SLC22A4: variants seen among roughly 807,000 people sequenced by gnomAD.
SLC22A4 encodes ET transporter.
A neutral mutation model predicts 56.6 loss-of-function variants in SLC22A4; 39 were observed. The ratio of observed to expected loss-of-function variants is 0.69; its 90% CI spans 0.53 to 0.90. SLC22A4 has a LOEUF of 0.90. Among genes scored for constraint, SLC22A4 ranks in the 40% least tolerant of loss-of-function variants. The probability of loss-of-function intolerance (pLI) is 0.00; values close to 1 mark genes in which losing one functional copy is unlikely to be tolerated. For synonymous variants in SLC22A4, 241 were observed against 281.4 expected, an observed-to-expected ratio of 0.86 and a Z score of 1.44; for missense variants, 594 against 696.5, an observed-to-expected ratio of 0.85 and a Z score of 1.66.
intron 1 of SLC22A4, among the ~76,000 whole-genome samples, chr5:132,310,939 G>A (rs1031716377): frequency 1.3e-5 from 2 of 152,200 alleles, no homozygotes; most frequent in African/African-American, 4.8e-5. Flanking sequence ...TCTAGGGTCA[G>A]TCTTACCCCA....
rs376295543 is a variant in SLC22A4 at position 132,322,291 on chromosome 5, A to C, written c.760A>C (p.Arg254=). The change falls in exon 4 of 10, where the codon AGA becomes CGA. Residue 254 remains arginine (R), a synonymous_variant. Coordinates refer to ENST00000200652, the MANE Select transcript of SLC22A4 (RefSeq NM_003059.3). The part of the protein sequence containing the change: ...MLLPLFAYFI[R]DWRMLLLALT... ...GCTGCCACTGTTTGCTTACTTCATCAGAGACTGGCGGATGCTGCTGCTGGC... is the reference window on the plus strand; with the variant it reads ...GCTGCCACTGTTTGCTTACTTCATCCGAGACTGGCGGATGCTGCTGCTGGC... 129 of 1,613,944 alleles carry C rather than the reference A, an allele frequency of 8.0e-5. No individual in the cohort carries two copies. The highest frequency in any genetic ancestry group is 4.2e-6 in the Non-Finnish European group (5 of 1,179,980).
intron 5 of SLC22A4, among the ~76,000 whole-genome samples, chr5:132,328,903 G>GTGTGTATATATA (rs1180080096): frequency 5.9e-4 from 57 of 96,400 alleles, no homozygotes; most frequent in African/African-American, 2.8e-3. Flanking sequence ...GTGTGTATGT[G>GTGTGTATATATA]TATATATATA....
chr5:132,302,752 A>C (rs551014469), intron 1 of SLC22A4, among the ~76,000 whole-genome samples: 2 of 152,288 alleles, frequency 1.3e-5, no homozygotes, highest in Admixed American at 1.3e-4. Context: ...GTCAGGATGC[A>C]AGGGGCACAG....
chr5:132,342,361 G>T (rs949863193), intron 9 of SLC22A4, among the ~76,000 whole-genome samples: 1 of 152,176 alleles, frequency 6.6e-6, no homozygotes, highest in Non-Finnish European at 1.5e-5. Flanking sequence ...CATGAAAAAA[G>T]TTATTTGTCC....
chr5:132,308,989 G>T (rs537155923), intron 1 of SLC22A4, among the ~76,000 whole-genome samples: 1 of 152,302 alleles, frequency 6.6e-6, no homozygotes, highest in East Asian at 1.9e-4. Context: ...GGACAGGTCT[G>T]TCCCATCAAG....
At chr5:132,323,676 A>G (rs967831236) in intron 4 of SLC22A4, among the ~76,000 whole-genome samples, 22 of 152,192 alleles carry the variant, frequency 1.4e-4, no homozygotes, top group African/African-American at 5.3e-4. Flanking sequence ...GAGCAGAGCA[A>G]TTTTCTGAAT....
intron 3 of SLC22A4, among the ~76,000 whole-genome samples, chr5:132,316,192 C>G (rs1750350660): frequency 6.6e-6 from 1 of 152,164 alleles, no homozygotes; most frequent in African/African-American, 2.4e-5. Context: ...CAAATTACTC[C>G]CACTGTCAAA....
chr5:132,327,457 T>C (rs1750720275), intron 5 of SLC22A4, 54 bp downstream of exon 5: 2 of 1,535,450 alleles, frequency 1.3e-6, no homozygotes, highest in Non-Finnish European at 1.8e-6. Context: ...CTTGATTTTA[T>C]GGAATTTAAC....
At chr5:132,326,400 G>A (rs1435985911) in intron 4 of SLC22A4, among the ~76,000 whole-genome samples, 1 of 152,166 alleles carries the variant, frequency 6.6e-6, no homozygotes, top group Non-Finnish European at 1.5e-5. Flanking sequence ...CAGAATGGCT[G>A]TATGTATGAG....
chr5:132,294,653 G>C lies in SLC22A4; in HGVS notation c.37G>C (p.Glu13Gln), dbSNP rs780840704. Residue 13 changes from glutamate (E) to glutamine (Q), a missense_variant, in exon 1 of 10, where the codon GAG (glutamate) becomes CAG (glutamine). Transcript: ENST00000200652. The surrounding 1 kb of genome is among the most constrained non-coding windows in gnomAD (Gnocchi z 5.6). ...DYDEVIAFLG[E>Q]WGPFQRLIFF... ...CGACGAGGTGATCGCCTTCCTGGGC[G>C]AGTGGGGGCCCTTCCAGCGCCTCAT... 2.5e-6 allele frequency: 4 copies of C among 1,614,188 alleles called. No homozygotes were observed. Among genetic ancestry groups the C allele is most frequent in the Non-Finnish European group, 3.4e-6 (4 of 1,180,032 alleles).
chr5:132,304,221 G>A (rs1412087215), intron 1 of SLC22A4, among the ~76,000 whole-genome samples: 2 of 152,204 alleles, frequency 1.3e-5, no homozygotes, highest in Non-Finnish European at 2.9e-5. Context: ...TAGACTGTGG[G>A]ACAATATATG....
chr5:132,296,511 C>T (rs903057507), intron 1 of SLC22A4, among the ~76,000 whole-genome samples: 6 of 152,230 alleles, frequency 3.9e-5, no homozygotes, highest in Admixed American at 6.5e-5. Context: ...GCCAGCCAGG[C>T]GTGGTGGTTG....
At chr5:132,330,833 A>G (rs991027769) in intron 5 of SLC22A4, among the ~76,000 whole-genome samples, 2 of 152,202 alleles carry the variant, frequency 1.3e-5, no homozygotes, top group African/African-American at 4.8e-5. Context: ...CTTTTCCTCA[A>G]TGATACAGTA....
At chr5:132,340,490 T>C (rs1446438710) in intron 8 of SLC22A4, 75 bp from the exon 9 acceptor site, 4 of 1,406,468 alleles carry the variant, frequency 2.8e-6, no homozygotes, top group Non-Finnish European at 4.0e-6. Flanking sequence ...GTTCACCAAC[T>C]TCACAAAATG....
At chr5:132,327,508 T>C in intron 5 of SLC22A4, 105 bp downstream of exon 5, 1 of 933,138 alleles carries the variant, frequency 1.1e-6, no homozygotes, top group Non-Finnish European at 1.8e-6. Flanking sequence ...GTACCAGGCA[T>C]TGCACTAGGC....
At chr5:132,340,804 T>G (rs1313703551) in intron 9 of SLC22A4, 104 bp downstream of exon 9, 1 of 1,126,338 alleles carries the variant, frequency 8.9e-7, no homozygotes, top group African/African-American at 1.5e-5. Context: ...AAGTAGAGAC[T>G]AGCTCTATCA....
rs1304126850 is a variant in SLC22A4 at position 132,313,692 on chromosome 5, C to T, written c.576C>T (p.Ser192=). 3.1e-6 allele frequency: 5 copies of T among 1,613,956 alleles called. No homozygotes were observed. Among genetic ancestry groups the T allele is most frequent in the Non-Finnish European group, 4.2e-6 (5 of 1,179,888 alleles). The part of the protein sequence containing the change: ...GFSFLQIFSI[S]WEMFTVLFVI... ...GCTTCCTGCAGATTTTCTCCATCAGCTGGGAGATGTTCACTGTGTTATTTG... is the reference window on the plus strand; with the variant it reads ...GCTTCCTGCAGATTTTCTCCATCAGTTGGGAGATGTTCACTGTGTTATTTG... The change falls in exon 3 of 10, where the codon AGC becomes AGT. Residue 192 remains serine (S), a synonymous_variant. Transcript: ENST00000200652.
chr5:132,328,602 A>G (rs1750750711), intron 5 of SLC22A4, among the ~76,000 whole-genome samples: 1 of 135,408 alleles, frequency 7.4e-6, no homozygotes, highest in Non-Finnish European at 1.6e-5. Flanking sequence ...CAACAACAAC[A>G]ACATTGGGAG....
rs1275956719 is a variant in SLC22A4 at position 132,339,786 on chromosome 5, G to C, written c.1445-779G>C. On this transcript the variant is annotated intron_variant, in intron 8 of 9. Transcript: ENST00000200652. ...TCCTGTTAGTGACACAGAGGCCTCA[G>C]AGAAGCTGCAATAACAATATTTTCC... 5.3e-5 allele frequency among the ~76,000 whole-genome samples: 8 copies of C among 152,318 alleles called. No homozygotes were observed. In the East Asian group the frequency reaches 9.6e-4, roughly 18 times the overall value.
Sources: gnomAD v4.1 joint callset for allele counts (sites outside exome capture counted in the v4.1 genomes callset) on GRCh38, gnomAD v4.1.1 for gene constraint, Gnocchi (gnomAD v3.1) non-coding constraint, MANE v1.5 for transcripts, NCBI Gene and HGNC (gene_info 2026-07-23, HGNC 2026-07-21) for gene names.